FBLN5: variants seen among roughly 807,000 people sequenced by gnomAD.
FBLN5 encodes the protein fibulin-5.
FBLN5 carries 24 observed loss-of-function variants against 61.6 expected under a neutral mutation model. The observed-to-expected ratio is 0.39, with a 90% CI of 0.28 to 0.55. The LOEUF (loss-of-function observed/expected upper bound fraction) is 0.55, where lower values mean the gene tolerates loss of function less well. Ranked by LOEUF, FBLN5 falls within the 20% of genes least tolerant of loss-of-function variation. The pLI, the probability that FBLN5 is intolerant of heterozygous loss-of-function variation, is 0.65. For synonymous variants in FBLN5, 213 were observed against 219.8 expected (o/e 0.97, Z 0.27); for missense variants, 470 against 594.1 (o/e 0.79, Z 2.17).
chr14:91,874,793 T>A (rs1889091855), intron 10 of FBLN5: 1 of 152,342 alleles, frequency 6.6e-6, no homozygotes, highest in Admixed American at 6.5e-5. Flanking sequence ...CCTCATTCCA[T>A]CACCCCCTCC....
chr14:91,875,000 A>T (rs907963712), intron 10 of FBLN5, among the ~76,000 whole-genome samples: 2 of 151,496 alleles, frequency 1.3e-5, no homozygotes, highest in Non-Finnish European at 2.9e-5. Context: ...CTAATTTTTT[A>T]ATCTTTTTTT....
At chr14:91,871,676 G>A (rs903055627) in intron 10 of FBLN5, among the ~76,000 whole-genome samples, 1 of 152,112 alleles carries the variant, frequency 6.6e-6, no homozygotes, top group Non-Finnish European at 1.5e-5. Context: ...GGCTGATATG[G>A]TGAAACCCCA....
Position 91,881,392 on chromosome 14 carries a change from G to C in FBLN5, c.889C>G (p.His297Asp), listed in dbSNP as rs777077185. 6.8e-6 allele frequency: 11 copies of C among 1,614,090 alleles called. No homozygotes were observed. The highest frequency in any genetic ancestry group is 1.7e-5 in the Admixed American group (1 of 60,000). Residue 297 changes from histidine (H) to aspartate (D), a missense_variant, in exon 9 of 11, where the codon CAC (histidine) becomes GAC (aspartate). His to Asp is a moderately conservative substitution (Grantham distance 81, BLOSUM62 -1). Transcript: ENST00000342058. ...CACGTCTGCTGCAGGTTGCACGTGT[G>C]GTTCCTGTGCTCACATTCGTTGATG... ...QDINECEHRNHTCNLQQTCYN... is the reference protein window; with the variant it reads ...QDINECEHRNDTCNLQQTCYN...
chr14:91,919,390 A>AAAGAAAGGAAGG (rs1284751505), intron 4 of FBLN5, among the ~76,000 whole-genome samples: 16 of 99,584 alleles, frequency 1.6e-4, no homozygotes, highest in African/African-American at 5.4e-4. Flanking sequence ...AGAAAGAAAG[A>AAAGAAAGGAAGG]AAGGAAGGAA....
intron 4 of FBLN5, among the ~76,000 whole-genome samples, chr14:91,919,516 C>T (rs1437744067): frequency 1.3e-5 from 2 of 151,922 alleles, no homozygotes; most frequent in African/African-American, 2.4e-5. Context: ...AATCGTGTCC[C>T]TCCAAAATTC....
intron 3 of FBLN5, among the ~76,000 whole-genome samples, chr14:91,938,107 C>T (rs2056049124): frequency 6.6e-6 from 1 of 152,194 alleles, no homozygotes; most frequent in Admixed American, 6.5e-5. Flanking sequence ...CAATTGTCTC[C>T]ACTTCTACTT....
intron 6 of FBLN5, among the ~76,000 whole-genome samples, chr14:91,889,523 C>A (rs966705509): frequency 6.6e-6 from 1 of 152,224 alleles, no homozygotes; most frequent in Non-Finnish European, 1.5e-5. Flanking sequence ...GGCTGTGTGA[C>A]TTTGGCCAAG....
chr14:91,869,795 C>T lies in FBLN5; in HGVS notation c.*429G>A, dbSNP rs952100722. 4 of 243,510 alleles carry T rather than the reference C, an allele frequency of 1.6e-5. No homozygotes were observed. The highest frequency in any genetic ancestry group is 2.5e-5 in the Non-Finnish European group (3 of 122,168). The allele number at this position is 243,510 out of a possible 1,614,324, so 15.1% of individuals were successfully genotyped here. A position where few individuals can be genotyped will look rare whatever the true frequency, so the allele number is the denominator to read the frequency against. On this transcript the variant is annotated 3_prime_UTR_variant, in exon 11 of 11. Transcript: ENST00000342058. ...AGCAAACTAGCTACTCCCAGGGTTC[C>T]CCGCCAGCTCCCGGGTCTTTGCAAA... is the stretch of plus-strand genomic sequence containing the variant.
intron 4 of FBLN5, among the ~76,000 whole-genome samples, chr14:91,931,095 T>C (rs2055914413): frequency 6.6e-6 from 1 of 152,160 alleles, no homozygotes; most frequent in Non-Finnish European, 1.5e-5. Context: ...GTTATATCCA[T>C]TTTACAGATG....
In FBLN5 at chr14:91,943,096, G is replaced by T. The variant is rs768328681; in HGVS notation, c.18-135C>A. 2.8e-6 allele frequency: 2 copies of T among 711,128 alleles called. No individual in the cohort carries two copies. Among genetic ancestry groups the T allele is most frequent in the Non-Finnish European group, 5.2e-6 (2 of 386,380 alleles). 44.1% of individuals were successfully genotyped at this position (711,128 alleles called of 1,614,324 possible). ...ATGGGGTGGGGTGTGCTCCAGGGAG[G>T]TCATGGTGGTTCCAGACACCGCGAC... On this transcript the variant is annotated intron_variant, in intron 1 of 10. Coordinates refer to ENST00000342058, the MANE Select transcript of FBLN5 (RefSeq NM_006329.4). The surrounding 1 kb of genome is among the most constrained non-coding windows in gnomAD (Gnocchi z 4.0).
At chr14:91,925,661 G>A (rs978439798) in intron 4 of FBLN5, among the ~76,000 whole-genome samples, 13 of 152,332 alleles carry the variant, frequency 8.5e-5, no homozygotes, top group African/African-American at 7.2e-5. Flanking sequence ...CTCCCACAGC[G>A]TTTCCCCTTA....
At position 91,929,116 on chromosome 14, in the gene FBLN5, C is replaced by A. The variant is rs981959344; in HGVS notation, c.379+7831G>T. 8.9e-5 allele frequency among the ~76,000 whole-genome samples: 13 copies of A among 146,038 alleles called. No individual in the cohort carries two copies. In the South Asian group the frequency reaches 2.4e-3, roughly 27 times the overall value. On this transcript the variant is annotated intron_variant, in intron 4 of 10. Transcript: ENST00000342058. ...ACACACACACACACACACACACACC[C>A]CACACACACACATGATACAGTGATA...
chr14:91,900,938 G>A (rs1041841014), intron 4 of FBLN5, among the ~76,000 whole-genome samples: 4 of 152,184 alleles, frequency 2.6e-5, no homozygotes, highest in East Asian at 1.9e-4. Context: ...CTATAAGCAT[G>A]GTTAGTTCTG....
intron 6 of FBLN5, among the ~76,000 whole-genome samples, chr14:91,889,511 G>A (rs150590117): frequency 1.2e-3 from 178 of 152,324 alleles, no homozygotes; most frequent in African/African-American, 3.0e-3. Context: ...CTGCTACCAC[G>A]TGGCTGTGTG....
intron 4 of FBLN5, among the ~76,000 whole-genome samples, chr14:91,898,926 C>T (rs1307388413): frequency 1.3e-5 from 2 of 151,594 alleles, no homozygotes; most frequent in African/African-American, 4.9e-5. Context: ...CTCAGCCTCC[C>T]GAGTAGCTGG....
chr14:91,909,043 G>T (rs948156646), intron 4 of FBLN5, among the ~76,000 whole-genome samples: 2 of 151,800 alleles, frequency 1.3e-5, no homozygotes, highest in Non-Finnish European at 2.9e-5. Context: ...TCAGCCTCCC[G>T]AGTAGCTGGG....
At chr14:91,891,186 C>A (rs1426373229) in intron 6 of FBLN5, 35 bp downstream of exon 6, 6 of 1,206,350 alleles carry the variant, frequency 5.0e-6, no homozygotes, top group Non-Finnish European at 7.4e-6. Context: ...GCTAGTGTCT[C>A]ACATCATGTC....
At chr14:91,909,785 G>T (rs1401533334) in intron 4 of FBLN5, among the ~76,000 whole-genome samples, 1 of 152,084 alleles carries the variant, frequency 6.6e-6, no homozygotes, top group African/African-American at 2.4e-5. Context: ...AAATTACCTG[G>T]TCTGTGGTGT....
chr14:91,885,572 T>C (rs568199772), intron 7 of FBLN5, among the ~76,000 whole-genome samples: 7 of 152,020 alleles, frequency 4.6e-5, no homozygotes, highest in Non-Finnish European at 1.0e-4. Context: ...TGCCAACTTA[T>C]TTAATTTTTG....
Sources: allele counts gnomAD v4.1 joint callset (sites outside exome capture counted in the v4.1 genomes callset), GRCh38; gene constraint gnomAD v4.1.1; non-coding constraint Gnocchi (gnomAD v3.1); transcripts MANE v1.5; gene names NCBI Gene and HGNC (gene_info 2026-07-23, HGNC 2026-07-21).